The following XRN2 variants were observed in gnomAD, a reference collection of about 807,000 sequenced individuals.
XRN2 encodes the protein DHM1-like protein.
In XRN2, 44 loss-of-function variants were observed where a neutral mutation model predicts 138.5. The observed-to-expected ratio is 0.32, with a 90% CI of 0.25 to 0.41. XRN2 has a LOEUF of 0.41. XRN2 is among the 10% of genes least tolerant of loss of function. The pLI is 1.00. For synonymous variants in XRN2, 354 were observed against 369.4 expected (o/e 0.96, Z 0.48); for missense variants, 937 against 1,169.3 (o/e 0.80, Z 2.90).
intron 28 of XRN2, among the ~76,000 whole-genome samples, chr20:21,385,633 A>G (rs1358871111): frequency 5.3e-5 from 8 of 150,432 alleles, no homozygotes; most frequent in Non-Finnish European, 1.0e-4. Flanking sequence ...TCTTCGAATC[A>G]TCACACAAAA....
At chr20:21,358,821 T>C (rs1240332511) in intron 24 of XRN2, among the ~76,000 whole-genome samples, 1 of 152,228 alleles carries the variant, frequency 6.6e-6, no homozygotes, top group Non-Finnish European at 1.5e-5. Flanking sequence ...TTGTGCTCTT[T>C]TGTTAAGGGT....
intron 26 of XRN2, among the ~76,000 whole-genome samples, chr20:21,366,557 C>T (rs1271713542): frequency 1.4e-5 from 2 of 138,322 alleles, no homozygotes; most frequent in African/African-American, 2.7e-5. Context: ...ACTTCCGTCT[C>T]AACCAAAAAA....
chr20:21,327,741 C>A (rs2038147555), intron 3 of XRN2, among the ~76,000 whole-genome samples: 1 of 152,036 alleles, frequency 6.6e-6, no homozygotes, highest in Non-Finnish European at 1.5e-5. Context: ...AATGTAGATA[C>A]AGAACTTTGT....
intron 20 of XRN2, among the ~76,000 whole-genome samples, chr20:21,352,172 T>C (rs1323032251): frequency 6.6e-6 from 1 of 152,168 alleles, no homozygotes; most frequent in Non-Finnish European, 1.5e-5. Context: ...TGTTGGGAAA[T>C]ACAGTTTCTT....
At chr20:21,389,217 C>G in intron 29 of XRN2, 56 bp from the exon 30 acceptor site, 1 of 1,505,920 alleles carries the variant, frequency 6.6e-7, no homozygotes, top group East Asian at 2.3e-5. Flanking sequence ...TTAAAGTTAA[C>G]TGACTTGCAG....
intron 23 of XRN2, 42 bp from the exon 24 acceptor site, chr20:21,357,694 T>A (rs780794661): frequency 6.6e-7 from 1 of 1,512,040 alleles, no homozygotes; most frequent in South Asian, 1.3e-5. Context: ...CCTAAAAGGT[T>A]ACAGTTTACA....
At chr20:21,325,300 A>G (rs1201767502) in intron 1 of XRN2, among the ~76,000 whole-genome samples, 1 of 152,250 alleles carries the variant, frequency 6.6e-6, no homozygotes, top group Non-Finnish European at 1.5e-5. Flanking sequence ...GCTCTGGAAG[A>G]GAAAAACAAA....
chr20:21,365,869 TTATA>T (rs1337349676), intron 26 of XRN2, among the ~76,000 whole-genome samples, 165 bp downstream of exon 26: 2 of 127,868 alleles, frequency 1.6e-5, no homozygotes, highest in Admixed American at 9.8e-5. Flanking sequence ...TAATATATAA[TTATA>T]TATAATATTA....
intron 13 of XRN2, among the ~76,000 whole-genome samples, chr20:21,336,079 G>A (rs768579117): frequency 1.3e-5 from 2 of 152,192 alleles, no homozygotes; most frequent in South Asian, 4.1e-4. Flanking sequence ...GTCCACCCAG[G>A]TGGTCTTCTG....
At chr20:21,324,514 C>CTTTTT (rs1568571497) in intron 1 of XRN2, among the ~76,000 whole-genome samples, 4 of 149,346 alleles carry the variant, frequency 2.7e-5, no homozygotes, top group African/African-American at 2.5e-5. Flanking sequence ...TTTTTTTGGC[C>CTTTTT]TAGTATGTTT....
chr20:21,347,893 C>G (rs1480303583), intron 17 of XRN2, among the ~76,000 whole-genome samples: 1 of 152,122 alleles, frequency 6.6e-6, no homozygotes, highest in African/African-American at 2.4e-5. Context: ...TGAAGTTTGG[C>G]AGTAACTACT....
intron 13 of XRN2, 85 bp from the exon 14 acceptor site, chr20:21,338,959 T>G: frequency 7.6e-7 from 1 of 1,321,416 alleles, no homozygotes; most frequent in East Asian, 2.3e-5. Flanking sequence ...AAACTTAAGT[T>G]GTCTCCCAAA....
intron 17 of XRN2, 21 bp downstream of exon 17, chr20:21,346,571 T>C (rs1317250654): frequency 6.2e-7 from 1 of 1,604,642 alleles, no homozygotes; most frequent in South Asian, 1.1e-5. Flanking sequence ...AATATTTTCC[T>C]CTGAATTTGT....
intron 16 of XRN2, among the ~76,000 whole-genome samples, chr20:21,344,766 T>TA (rs1438071667): frequency 9.2e-5 from 14 of 152,146 alleles, no homozygotes; most frequent in African/African-American, 3.1e-4. Flanking sequence ...ACTTCAAATT[T>TA]AAAATAGGAA....
At chr20:21,373,254 C>T (rs984896046) in intron 27 of XRN2, among the ~76,000 whole-genome samples, 15 of 152,266 alleles carry the variant, frequency 9.9e-5, no homozygotes, top group South Asian at 2.1e-4. Flanking sequence ...GTGATCTGCC[C>T]GCCTCGTTCT....
At chr20:21,344,229 C>T in intron 16 of XRN2, 21 bp downstream of exon 16, 3 of 1,583,108 alleles carry the variant, frequency 1.9e-6, no homozygotes, top group Non-Finnish European at 2.6e-6. Context: ...TTTTTGGTAG[C>T]ACTTTGTTAG....
chr20:21,314,131 T>C (rs752763213), intron 1 of XRN2, among the ~76,000 whole-genome samples: 18 of 152,220 alleles, frequency 1.2e-4, no homozygotes, highest in Non-Finnish European at 2.5e-4. Flanking sequence ...TAATCTACTT[T>C]ATGTCTATAT....
chr20:21,335,232 G>A (rs1391759708), intron 13 of XRN2, among the ~76,000 whole-genome samples: 1 of 152,190 alleles, frequency 6.6e-6, no homozygotes, highest in Admixed American at 6.5e-5. Context: ...AGAGTGATTG[G>A]AGGGTGATTG....
At chr20:21,378,993 T>G (rs2038854579) in intron 27 of XRN2, among the ~76,000 whole-genome samples, 1 of 152,250 alleles carries the variant, frequency 6.6e-6, no homozygotes. Flanking sequence ...ACCTTAAATG[T>G]GACTTCTCTT....
Sources: gnomAD v4.1 joint callset for allele counts (sites outside exome capture counted in the v4.1 genomes callset) on GRCh38, gnomAD v4.1.1 for gene constraint, MANE v1.5 for transcripts, NCBI Gene and HGNC (gene_info 2026-07-23, HGNC 2026-07-21) for gene names.